The following ATP8B4 variants were observed in gnomAD, a reference collection of about 807,000 sequenced individuals.
The protein encoded by ATP8B4 is ATPase phospholipid transporting 8B4 (putative), also known as probable phospholipid-transporting ATPase IM.
A neutral mutation model predicts 145.6 loss-of-function variants in ATP8B4; 133 were observed. That is an observed-to-expected ratio of 0.91 (90% confidence interval 0.79 to 1.05). ATP8B4 has a LOEUF of 1.05. Ranked by LOEUF, ATP8B4 falls within the 50% of genes least tolerant of loss-of-function variation. ATP8B4 has a pLI of 0.00. For synonymous variants in ATP8B4, 507 were observed against 492.9 expected (o/e 1.03, Z -0.38); for missense variants, 1,458 against 1,425.2 (o/e 1.02, Z -0.37).
At chr15:49,891,563 C>CG (rs1209816223) in intron 23 of ATP8B4, among the ~76,000 whole-genome samples, 1 of 152,070 alleles carries the variant, frequency 6.6e-6, no homozygotes, top group Non-Finnish European at 1.5e-5. Context: ...TGACCTCAAG[C>CG]GATCTGCCCA....
chr15:50,074,376 A>C (rs1333942125), intron 2 of ATP8B4, among the ~76,000 whole-genome samples, 191 bp from the exon 3 acceptor site: 2 of 152,242 alleles, frequency 1.3e-5, no homozygotes, highest in Non-Finnish European at 2.9e-5. Flanking sequence ...ATGGAAAGCT[A>C]CAATGTTTCT....
rs1294387066 is a variant in ATP8B4, at chr15:50,111,104, G to A, written c.-42-4096C>T. Among the ~76,000 whole-genome samples the A allele has an allele frequency of 3.3e-5, 5 of 152,320 alleles. No individual in the cohort carries two copies. The East Asian group carries it at 5.8e-4, about 18-fold the overall frequency. On this transcript the variant is annotated intron_variant, in intron 1 of 27. Coordinates refer to ENST00000284509, the MANE Select transcript of ATP8B4 (RefSeq NM_024837.4). ...CTATTTAAGCATCCTGTGAGGAAGA[G>A]GGCAGCCTTCCACAAGGAAGTCTCT... is the stretch of plus-strand genomic sequence containing the variant.
intron 16 of ATP8B4, among the ~76,000 whole-genome samples, chr15:49,930,877 G>GCTGATGTTCGAGTTTTCCAATTT (rs1323037504): frequency 1.6e-4 from 25 of 152,014 alleles, no homozygotes; most frequent in African/African-American, 5.5e-4. Context: ...TATTTTTATT[G>GCTGATGTTCGAGTTTTCCAATTT]ATACATTGTA....
chr15:50,062,816 T>C (rs2053121251), intron 3 of ATP8B4, among the ~76,000 whole-genome samples: 1 of 152,176 alleles, frequency 6.6e-6, no homozygotes, highest in Non-Finnish European at 1.5e-5. Flanking sequence ...TTTTCTCACC[T>C]AGAAAAGCAT....
intron 2 of ATP8B4, among the ~76,000 whole-genome samples, chr15:50,091,622 T>C (rs1380269302): frequency 6.6e-6 from 1 of 152,174 alleles, no homozygotes; most frequent in East Asian, 1.9e-4. Context: ...TACATTTGTT[T>C]ATGTGTCCTG....
intron 2 of ATP8B4, among the ~76,000 whole-genome samples, chr15:50,080,820 A>G (rs1018300665): frequency 6.6e-6 from 1 of 152,134 alleles, no homozygotes; most frequent in Non-Finnish European, 1.5e-5. Flanking sequence ...GTTTAATGAA[A>G]GAGTCCTCAT....
intron 3 of ATP8B4, among the ~76,000 whole-genome samples, chr15:50,050,910 G>A (rs1212700590): frequency 6.6e-6 from 1 of 152,116 alleles, no homozygotes; most frequent in Non-Finnish European, 1.5e-5. Context: ...TTTTAAATGA[G>A]GTTAGTTTGG....
chr15:49,966,623 G>C (rs1411382401), intron 13 of ATP8B4, among the ~76,000 whole-genome samples: 1 of 152,188 alleles, frequency 6.6e-6, no homozygotes, highest in Non-Finnish European at 1.5e-5. Flanking sequence ...CCCAGTCAGG[G>C]GCTTATAGAT....
intron 2 of ATP8B4, among the ~76,000 whole-genome samples, chr15:50,105,598 T>C (rs1349212578): frequency 3.9e-5 from 6 of 152,154 alleles, no homozygotes; most frequent in African/African-American, 1.4e-4. Context: ...TGGATCGATA[T>C]ACACAAATAC....
At chr15:49,994,675 A>C (rs28395420) in intron 9 of ATP8B4, among the ~76,000 whole-genome samples, 1,542 of 152,176 alleles carry the variant, frequency 0.01, 33 homozygotes, top group African/African-American at 0.036. Context: ...GTAAGGAGTC[A>C]TGCTGAAGAG....
chr15:49,896,872 T>TA (rs2037453455), intron 23 of ATP8B4: 1 of 156,998 alleles, frequency 6.4e-6, no homozygotes, highest in East Asian at 1.8e-4. Context: ...GATGTCAGAG[T>TA]ACCAATCAGT....
intron 24 of ATP8B4, among the ~76,000 whole-genome samples, chr15:49,878,368 T>A (rs924594770): frequency 5.3e-5 from 8 of 152,084 alleles, no homozygotes; most frequent in African/African-American, 1.9e-4. Context: ...AAGGGAGACT[T>A]AACAACTGAC....
At chr15:50,068,178 G>T (rs2053504642) in intron 3 of ATP8B4, among the ~76,000 whole-genome samples, 1 of 152,176 alleles carries the variant, frequency 6.6e-6, no homozygotes, top group African/African-American at 2.4e-5. Flanking sequence ...TAAGAGGAGA[G>T]AGAAGTTTGC....
chr15:49,885,253 G>C (rs1443695770), intron 23 of ATP8B4, among the ~76,000 whole-genome samples: 1 of 152,114 alleles, frequency 6.6e-6, no homozygotes, highest in Non-Finnish European at 1.5e-5. Flanking sequence ...TGTACCCTCT[G>C]CCTGGAACAC....
intron 5 of ATP8B4, among the ~76,000 whole-genome samples, chr15:50,042,500 C>T (rs2051374039): frequency 6.6e-6 from 1 of 152,168 alleles, no homozygotes. Flanking sequence ...TTCTCTTTCA[C>T]ACATCCCACC....
chr15:49,994,539 C>T (rs182118839), intron 9 of ATP8B4, among the ~76,000 whole-genome samples: 3 of 152,090 alleles, frequency 2.0e-5, no homozygotes, highest in Admixed American at 1.3e-4. Context: ...GTAGCTTACA[C>T]TGAAGCAGAT....
At chr15:50,038,861 A>G (rs2051044731) in intron 5 of ATP8B4, 32 bp from the exon 6 acceptor site, 1 of 1,581,950 alleles carries the variant, frequency 6.3e-7, no homozygotes, top group Non-Finnish European at 8.7e-7. Flanking sequence ...GAGAAAACAC[A>G]TTACAAGGTA....
At chr15:50,112,215 A>T (rs2056980382) in intron 1 of ATP8B4, among the ~76,000 whole-genome samples, 2 of 152,188 alleles carry the variant, frequency 1.3e-5, no homozygotes, top group Admixed American at 1.3e-4. Flanking sequence ...AGGGCAGTTG[A>T]GGAAGAGACA....
chr15:50,133,582 G>A (rs1007242387), intron 1 of ATP8B4, among the ~76,000 whole-genome samples: 1 of 151,768 alleles, frequency 6.6e-6, no homozygotes, highest in African/African-American at 2.4e-5. Flanking sequence ...GACAGAGTGA[G>A]ACCCTGTATC....
Sources: allele counts gnomAD v4.1 joint callset (sites outside exome capture counted in the v4.1 genomes callset), GRCh38; gene constraint gnomAD v4.1.1; transcripts MANE v1.5; gene names NCBI Gene and HGNC (gene_info 2026-07-23, HGNC 2026-07-21).